Variants in CDH13 observed in about 807,000 individuals in gnomAD.
CDH13 encodes cadherin 13.
In CDH13, 24 loss-of-function variants were observed where a neutral mutation model predicts 63.8. The observed-to-expected ratio is 0.38, with a 90% CI of 0.27 to 0.53. The LOEUF is 0.53. Ranked by LOEUF, CDH13 falls within the 20% of genes least tolerant of loss-of-function variation. The probability of loss-of-function intolerance (pLI) is 0.85; values close to 1 mark genes in which losing one functional copy is unlikely to be tolerated. For synonymous variants in CDH13, 503 were observed against 355.3 expected (o/e 1.42, Z -4.67); for missense variants, 1,049 against 903.1 (o/e 1.16, Z -2.07).
chr16:83,581,128 G>A (rs1236436576), intron 7 of CDH13, among the ~76,000 whole-genome samples: 3 of 152,168 alleles, frequency 2.0e-5, no homozygotes, highest in Non-Finnish European at 4.4e-5. Flanking sequence ...GGAAGGAGAA[G>A]ATCTTTTCTC....
At chr16:83,144,597 G>A (rs968060866) in intron 4 of CDH13, among the ~76,000 whole-genome samples, 5 of 152,190 alleles carry the variant, frequency 3.3e-5, no homozygotes, top group African/African-American at 1.2e-4. Context: ...TATTCCTGGA[G>A]GTGTGATGAT....
At chr16:82,826,074 C>G (rs889546987) in intron 1 of CDH13, 3 of 152,162 alleles carry the variant, frequency 2.0e-5, no homozygotes, top group Non-Finnish European at 4.4e-5. Context: ...CCAGGATGGT[C>G]TTGATCTCCT....
At chr16:83,386,304 G>A (rs1475947829) in intron 6 of CDH13, among the ~76,000 whole-genome samples, 1 of 152,182 alleles carries the variant, frequency 6.6e-6, no homozygotes, top group East Asian at 1.9e-4. Context: ...ACCAGCATCA[G>A]GACATTGGCC....
intron 1 of CDH13, among the ~76,000 whole-genome samples, chr16:82,727,095 G>T (rs945574844): frequency 1.3e-5 from 2 of 152,266 alleles, no homozygotes; most frequent in Non-Finnish European, 2.9e-5. Context: ...GAGGGCGGCG[G>T]CGGTGGTGGG....
In CDH13 at chr16:82,666,850, C is replaced by T. The variant is rs142582749; in HGVS notation, c.45+39713C>T. Among the ~76,000 whole-genome samples the T allele has an allele frequency of 6.8e-3, 1,032 of 152,276 alleles. 3 individuals are homozygous for T. The highest frequency in any genetic ancestry group is 0.011 in the Non-Finnish European group (765 of 68,032). On this transcript the variant is annotated intron_variant, in intron 1 of 13. Coordinates refer to ENST00000567109, the MANE Select transcript of CDH13 (RefSeq NM_001257.5). ...CCAGCCTGCCTTCCCACCATCCAAA[C>T]GATGCTATGCCACATCTTGAAGAAT...
intron 1 of CDH13, among the ~76,000 whole-genome samples, chr16:82,684,697 T>C (rs898296991): frequency 2.0e-5 from 3 of 152,108 alleles, no homozygotes; most frequent in Non-Finnish European, 4.4e-5. Context: ...TTTTGATCCT[T>C]TTTCCAAATG....
Position 83,656,698 on chromosome 16 carries a change from A to C in CDH13, c.1102-14092A>C, listed in dbSNP as rs562456610. ...TCCTGTGGGAAAGTAGACATCTTTG[A>C]ATGACTGCACAGAGAATCGTGGTCT... is the stretch of plus-strand genomic sequence containing the variant. On this transcript the variant is annotated intron_variant, in intron 8 of 13. Coordinates refer to ENST00000567109, the MANE Select transcript of CDH13 (RefSeq NM_001257.5). Among the ~76,000 whole-genome samples the C allele has an allele frequency of 2.2e-4, 33 of 152,312 alleles. 1 individual carries two copies. The highest frequency in any genetic ancestry group is 7.5e-4 in the African/African-American group (31 of 41,564).
At chr16:83,559,744 A>C (rs1028474642) in intron 7 of CDH13, among the ~76,000 whole-genome samples, 1 of 152,164 alleles carries the variant, frequency 6.6e-6, no homozygotes, top group Non-Finnish European at 1.5e-5. Context: ...GATAACAAGC[A>C]CAGAGTGGCC....
chr16:83,152,963 G>A (rs1028183698), intron 4 of CDH13, among the ~76,000 whole-genome samples: 8 of 152,124 alleles, frequency 5.3e-5, no homozygotes, highest in Admixed American at 4.6e-4. Context: ...CATCTACAAG[G>A]CACGGAATGC....
chr16:83,301,385 CCT>C (rs1346808197), intron 5 of CDH13, among the ~76,000 whole-genome samples: 1 of 152,092 alleles, frequency 6.6e-6, no homozygotes, highest in East Asian at 1.9e-4. Context: ...ACTCTACCTC[CCT>C]CTCTGTGATT....
chr16:83,428,925 C>T (rs746283813), intron 6 of CDH13, among the ~76,000 whole-genome samples: 2 of 152,216 alleles, frequency 1.3e-5, no homozygotes, highest in Non-Finnish European at 2.9e-5. Context: ...TTACATTTAT[C>T]TTTAATAACC....
At chr16:83,581,805 C>A (rs1451776780) in intron 7 of CDH13, among the ~76,000 whole-genome samples, 1 of 152,274 alleles carries the variant, frequency 6.6e-6, no homozygotes, top group African/African-American at 2.4e-5. Context: ...GGTAACAGAG[C>A]AAGACCCTGT....
At chr16:83,585,169 G>A (rs959124193) in intron 7 of CDH13, among the ~76,000 whole-genome samples, 19 of 152,290 alleles carry the variant, frequency 1.2e-4, no homozygotes, top group Admixed American at 1.0e-3. Flanking sequence ...CTAAGCTGGC[G>A]TGGGTGGCCT....
chr16:82,859,038 A>G (rs2039820603), intron 2 of CDH13: 1 of 152,870 alleles, frequency 6.5e-6, no homozygotes, highest in African/African-American at 2.4e-5. Context: ...TATTTAAAAT[A>G]TGCATCTTTC....
chr16:82,761,482 C>G (rs1353091027), intron 1 of CDH13, among the ~76,000 whole-genome samples: 1 of 152,298 alleles, frequency 6.6e-6, no homozygotes, highest in South Asian at 2.1e-4. Context: ...CTAAACTTAG[C>G]TTTCATGTTC....
chr16:83,522,375 A>G (rs961310824), intron 7 of CDH13, among the ~76,000 whole-genome samples: 1 of 152,210 alleles, frequency 6.6e-6, no homozygotes, highest in Non-Finnish European at 1.5e-5. Context: ...CAAAATTAAC[A>G]TGAGTATATG....
rs111848855 is a variant in CDH13, at chr16:83,447,962, A to G, written c.782-38515A>G. ...CCCCAGTCTCCTCTGTTACAGGGAAAAAGATTGCTCTGGGAGTTTTCAGAA... is the reference window on the plus strand; with the variant it reads ...CCCCAGTCTCCTCTGTTACAGGGAAGAAGATTGCTCTGGGAGTTTTCAGAA... On this transcript the variant is annotated intron_variant, in intron 6 of 13. Transcript: ENST00000567109. Among the ~76,000 whole-genome samples, 970 of 152,092 alleles carry G rather than the reference A, an allele frequency of 6.4e-3. 9 individuals carry two copies. Among genetic ancestry groups the G allele is most frequent in the African/African-American group, 0.023 (939 of 41,500 alleles).
At chr16:82,866,377 C>CT (rs538206338) in intron 2 of CDH13, among the ~76,000 whole-genome samples, 2,355 of 58,176 alleles carry the variant, frequency 0.04, 350 homozygotes, top group African/African-American at 0.076. Flanking sequence ...TTTTCTTCTT[C>CT]TTTTTTTTTT....
chr16:82,868,645 G>C (rs1015425536), intron 2 of CDH13, among the ~76,000 whole-genome samples: 1 of 152,190 alleles, frequency 6.6e-6, no homozygotes, highest in African/African-American at 2.4e-5. Context: ...TCAGTAGAAT[G>C]GAAGAGATAA....
Sources: gnomAD v4.1 joint callset for allele counts (sites outside exome capture counted in the v4.1 genomes callset) on GRCh38, gnomAD v4.1.1 for gene constraint, MANE v1.5 for transcripts, NCBI Gene and HGNC (gene_info 2026-07-23, HGNC 2026-07-21) for gene names.